The following GPR15 variants were observed in gnomAD, a reference collection of about 807,000 sequenced individuals.
GPR15 encodes the protein brother of Bonzo.
A neutral mutation model predicts 19.3 loss-of-function variants in GPR15; 16 were observed. That is an observed-to-expected ratio of 0.83 (90% CI 0.56 to 1.26). The LOEUF is 1.26. Among genes scored for constraint, GPR15 ranks in the 50% most tolerant of loss-of-function variants. The probability of loss-of-function intolerance (pLI) is 0.00; values close to 1 mark genes in which losing one functional copy is unlikely to be tolerated. For missense variants in GPR15, 458 were observed against 429.4 expected, an observed-to-expected ratio of 1.07 and a Z score of -0.59; for synonymous variants, 170 against 171.2, an observed-to-expected ratio of 0.99 and a Z score of 0.05.
Position 98,532,768 on chromosome 3 carries a change from T to C in GPR15, c.735T>C (p.Ile245=), listed in dbSNP as rs761957190. Residue 245 remains isoleucine (I), a synonymous_variant, in exon 1 of 1, where the codon ATT becomes ATC. Coordinates refer to ENST00000284311, the MANE Select transcript of GPR15 (RefSeq NM_005290.4). ...KLKKSIKIIF[I]VVAAFLVSWL... ...AGAAATCTATAAAGATCATCTTTATTGTCGTGGCAGCCTTTCTTGTCTCCT... is the reference window on the plus strand; with the variant it reads ...AGAAATCTATAAAGATCATCTTTATCGTCGTGGCAGCCTTTCTTGTCTCCT... 3 of 1,613,988 alleles carry C rather than the reference T, an allele frequency of 1.9e-6. No homozygotes were observed. Among genetic ancestry groups the C allele is most frequent in the Middle Eastern group, 3.3e-4 (2 of 6,062 alleles).
chr3:98,532,093 T>G lies in GPR15; in HGVS notation c.60T>G (p.Ser20=). The change falls in exon 1 of 1, where the codon TCT becomes TCG. Residue 20 remains serine (S), a synonymous_variant. Transcript: ENST00000284311. ...LDYYYATSPN[S]DIRETHSHVP... ...ATTACTATGCTACGAGCCCAAACTC[T>G]GACATCAGGGAGACCCACTCCCATG... 1 of 1,614,164 alleles carries G rather than the reference T, an allele frequency of 6.2e-7. No individual in the cohort carries two copies. Among genetic ancestry groups the G allele is most frequent in the Non-Finnish European group, 8.5e-7 (1 of 1,179,978 alleles).
Position 98,532,379 on chromosome 3 carries a change from A to G in GPR15, c.346A>G (p.Asn116Asp). ...CKGSSYMISV[N>D]MHCSVLLLTC... is the part of the protein sequence containing the mutation. ...AGGGAGCTCCTACATGATCTCCGTC[A>G]ATATGCACTGCAGTGTCCTCCTGCT... The change falls in exon 1 of 1, where the codon AAT (asparagine) becomes GAT (aspartate). Residue 116 changes from asparagine to aspartate, a missense_variant. Asn to Asp is a conservative substitution (Grantham distance 23). Transcript: ENST00000284311. The G allele has an allele frequency of 6.2e-7, 1 of 1,614,190 alleles. No homozygotes were observed. Among genetic ancestry groups the G allele is most frequent in the Non-Finnish European group, 8.5e-7 (1 of 1,180,026 alleles).
chr3:98,532,348 G>A lies in GPR15; in HGVS notation c.315G>A (p.Leu105=). Residue 105 remains leucine, a synonymous_variant, in exon 1 of 1, where the codon CTG becomes CTA. Coordinates refer to ENST00000284311, the MANE Select transcript of GPR15 (RefSeq NM_005290.4). ...SLGLWRTGSF[L]CKGSSYMISV... ...GACTGTGGAGGACGGGCTCCTTCCT[G>A]TGCAAAGGGAGCTCCTACATGATCT... The A allele has an allele frequency of 1.9e-6, 3 of 1,614,184 alleles. No individual in the cohort carries two copies. Among genetic ancestry groups the A allele is most frequent in the Non-Finnish European group, 2.5e-6 (3 of 1,180,036 alleles).
rs1209310738 is a variant in GPR15 at position 98,532,703 on chromosome 3, G to T, written c.670G>T (p.Ala224Ser). The change falls in exon 1 of 1, where the codon GCC becomes TCC. Residue 224 changes from alanine (A) to serine (S), a missense_variant. Coordinates refer to ENST00000284311, the MANE Select transcript of GPR15 (RefSeq NM_005290.4). ...CTGTTGCATTGCAAGGAAGCTGTGT[G>T]CCCATTACCAGCAATCAGGAAAGCA... is the stretch of plus-strand genomic sequence containing the variant. ...CYCCIARKLC[A>S]HYQQSGKHNK... 6.2e-7 allele frequency: 1 copy of T among 1,613,950 alleles called. No homozygotes were observed.
rs1353946822 is a variant in GPR15, at chr3:98,532,848, A to C, written c.815A>C (p.Glu272Ala). 6.2e-7 allele frequency: 1 copy of C among 1,614,038 alleles called. No homozygotes were observed. The highest frequency in any genetic ancestry group is 2.2e-5 in the East Asian group (1 of 44,870). ...FLAIVSGLRQ[E>A]HYLPSAILQL... is the part of the protein sequence containing the mutation. ...GCCATTGTCTCTGGGTTGCGGCAAG[A>C]ACACTATTTACCCTCAGCTATTCTT... The change falls in exon 1 of 1, where the codon GAA becomes GCA. Residue 272 changes from glutamate to alanine, a missense_variant. By Grantham distance (107) the Glu-to-Ala change is moderately radical. Transcript: ENST00000284311.
Position 98,533,102 on chromosome 3 carries a change from T to A in GPR15, c.1069T>A (p.Ser357Thr). 6.2e-7 allele frequency: 1 copy of A among 1,606,292 alleles called. No individual in the cohort carries two copies. Among genetic ancestry groups the A allele is most frequent in the Non-Finnish European group, 8.5e-7 (1 of 1,178,538 alleles). The change falls in exon 1 of 1, where the codon TCT becomes ACT. Residue 357 changes from serine to threonine, a missense_variant. Ser to Thr is a moderately conservative substitution (Grantham distance 58, BLOSUM62 1). Coordinates refer to ENST00000284311, the MANE Select transcript of GPR15 (RefSeq NM_005290.4). Reference sequence around the variant, plus strand: ...AGATTTTGCCAGGAGGAGGAAGAGGTCTGTGTCACTCTAAAGGGAACTGTG... The same window carrying A: ...AGATTTTGCCAGGAGGAGGAAGAGGACTGTGTCACTCTAAAGGGAACTGTG... ...AEDFARRRKR[S>T]VSL is the part of the protein sequence containing the mutation.
In GPR15 at chr3:98,532,577, T is replaced by C; in HGVS notation, c.544T>C (p.Tyr182His). The part of the protein sequence containing the change: ...RELTLIDDKP[Y>H]CAEKKATPIK... Reference sequence around the variant, plus strand: ...GCTCACGCTGATTGATGATAAGCCATACTGTGCAGAGAAAAAGGCAACTCC... The same window carrying C: ...GCTCACGCTGATTGATGATAAGCCACACTGTGCAGAGAAAAAGGCAACTCC... Residue 182 changes from tyrosine (Y) to histidine (H), a missense_variant, in exon 1 of 1, where the codon TAC becomes CAC. Coordinates refer to ENST00000284311, the MANE Select transcript of GPR15 (RefSeq NM_005290.4). 1 of 1,614,206 alleles carries C rather than the reference T, an allele frequency of 6.2e-7. No homozygotes were observed. The highest frequency in any genetic ancestry group is 8.5e-7 in the Non-Finnish European group (1 of 1,180,038).
rs1290682876 is a variant in GPR15, at chr3:98,532,741, G to A, written c.708G>A (p.Leu236=). 2 of 1,613,872 alleles carry A rather than the reference G, an allele frequency of 1.2e-6. No individual in the cohort carries two copies. Among genetic ancestry groups the A allele is most frequent in the African/African-American group, 2.7e-5 (2 of 74,894 alleles). Residue 236 remains leucine (L), a synonymous_variant, in exon 1 of 1, where the codon CTG becomes CTA. Coordinates refer to ENST00000284311, the MANE Select transcript of GPR15 (RefSeq NM_005290.4). The stretch of plus-strand genomic sequence containing the variant: ...AATCAGGAAAGCACAACAAAAAGCT[G>A]AAGAAATCTATAAAGATCATCTTTA... ...YQQSGKHNKK[L]KKSIKIIFIV...
In GPR15 at chr3:98,532,447, A is replaced by G. The variant is rs1306791887; in HGVS notation, c.414A>G (p.Pro138=). ...SVDRYLAIVW[P]VVSRKFRRTD... ...ACCGCTACCTGGCCATTGTGTGGCC[A>G]GTCGTATCCAGGAAATTCAGAAGGA... Residue 138 remains proline, a synonymous_variant, in exon 1 of 1, where the codon CCA becomes CCG. Coordinates refer to ENST00000284311, the MANE Select transcript of GPR15 (RefSeq NM_005290.4). The G allele has an allele frequency of 3.7e-6, 6 of 1,614,148 alleles. No individual in the cohort carries two copies. The highest frequency in any genetic ancestry group is 4.2e-6 in the Non-Finnish European group (5 of 1,180,012).
rs758745074 is a variant in GPR15 at position 98,533,006 on chromosome 3, G to T, written c.973G>T (p.Asp325Tyr). The T allele has an allele frequency of 6.2e-7, 1 of 1,613,990 alleles. No homozygotes were observed. The highest frequency in any genetic ancestry group is 1.1e-5 in the South Asian group (1 of 91,068). Reference protein sequence around the residue: ...HCLCPCLKNYDFGSSTETSDS... With the variant: ...HCLCPCLKNYYFGSSTETSDS... ...CTTGTGCCCTTGCCTGAAAAACTATGACTTTGGGAGTAGCACTGAGACATC... is the reference window on the plus strand; with the variant it reads ...CTTGTGCCCTTGCCTGAAAAACTATTACTTTGGGAGTAGCACTGAGACATC... The change falls in exon 1 of 1, where the codon GAC becomes TAC. Residue 325 changes from aspartate (D) to tyrosine (Y), a missense_variant. Asp to Tyr is a radical substitution (Grantham distance 160, BLOSUM62 -3). Coordinates refer to ENST00000284311, the MANE Select transcript of GPR15 (RefSeq NM_005290.4).
rs1358721074 is a variant in GPR15, at chr3:98,533,909, C to T, written c.*793C>T. On this transcript the variant is annotated 3_prime_UTR_variant, in exon 1 of 1. Coordinates refer to ENST00000284311, the MANE Select transcript of GPR15 (RefSeq NM_005290.4). ...CTTTTTAATGGGGTTTTACTATGCTCTTTTGTTTCCATTGGCTTTATAAAT... is the reference window on the plus strand; with the variant it reads ...CTTTTTAATGGGGTTTTACTATGCTTTTTTGTTTCCATTGGCTTTATAAAT... 1.3e-5 allele frequency among the ~76,000 whole-genome samples: 2 copies of T among 152,108 alleles called. No homozygotes were observed. Among genetic ancestry groups the T allele is most frequent in the East Asian group, 3.8e-4 (2 of 5,200 alleles).
rs1706665588 is a variant in GPR15 at position 98,533,050 on chromosome 3, G to T, written c.1017G>T (p.Lys339Asn). ...AGACATCAGATAGTCACCTCACTAAGGCTCTCTCCACCTTCATTCATGCAG... is the reference window on the plus strand; with the variant it reads ...AGACATCAGATAGTCACCTCACTAATGCTCTCTCCACCTTCATTCATGCAG... Reference protein sequence around the residue: ...STETSDSHLTKALSTFIHAED... With the variant: ...STETSDSHLTNALSTFIHAED... Residue 339 changes from lysine to asparagine, a missense_variant, in exon 1 of 1, where the codon AAG (lysine) becomes AAT (asparagine). Lys to Asn is a moderately conservative substitution (Grantham distance 94). Coordinates refer to ENST00000284311, the MANE Select transcript of GPR15 (RefSeq NM_005290.4). 6.2e-7 allele frequency: 1 copy of T among 1,613,846 alleles called. No homozygotes were observed. Among genetic ancestry groups the T allele is most frequent in the African/African-American group, 1.3e-5 (1 of 74,992 alleles).
At position 98,533,102 on chromosome 3, in the gene GPR15, T is replaced by G; in HGVS notation, c.1069T>G (p.Ser357Ala). 1 of 1,606,292 alleles carries G rather than the reference T, an allele frequency of 6.2e-7. No homozygotes were observed. The highest frequency in any genetic ancestry group is 1.1e-5 in the South Asian group (1 of 90,724). ...AGATTTTGCCAGGAGGAGGAAGAGG[T>G]CTGTGTCACTCTAAAGGGAACTGTG... ...AEDFARRRKR[S>A]VSL The change falls in exon 1 of 1, where the codon TCT becomes GCT. Residue 357 changes from serine (S) to alanine (A), a missense_variant. Coordinates refer to ENST00000284311, the MANE Select transcript of GPR15 (RefSeq NM_005290.4).
rs1706676706 is a variant in GPR15 at position 98,533,926 on chromosome 3, T to G, written c.*810T>G. On this transcript the variant is annotated 3_prime_UTR_variant, in exon 1 of 1. Coordinates refer to ENST00000284311, the MANE Select transcript of GPR15 (RefSeq NM_005290.4). ...ACTATGCTCTTTTGTTTCCATTGGC[T>G]TTATAAATTAGGATTTGACTTTGCT... Among the ~76,000 whole-genome samples the G allele has an allele frequency of 6.6e-6, 1 of 152,228 alleles. No homozygotes were observed. Among genetic ancestry groups the G allele is most frequent in the Non-Finnish European group, 1.5e-5 (1 of 68,028 alleles).
chr3:98,532,360 C>A lies in GPR15; in HGVS notation c.327C>A (p.Ser109Arg), dbSNP rs1407354574. The A allele has an allele frequency of 7.4e-6, 12 of 1,614,020 alleles. No homozygotes were observed. Among genetic ancestry groups the A allele is most frequent in the African/African-American group, 4.0e-5 (3 of 74,924 alleles). The change falls in exon 1 of 1, where the codon AGC (serine) becomes AGA (arginine). Residue 109 changes from serine to arginine, a missense_variant. Transcript: ENST00000284311. ...CGGGCTCCTTCCTGTGCAAAGGGAG[C>A]TCCTACATGATCTCCGTCAATATGC... ...WRTGSFLCKG[S>R]SYMISVNMHC...
chr3:98,532,260 C>T lies in GPR15; in HGVS notation c.227C>T (p.Ala76Val). The change falls in exon 1 of 1, where the codon GCT (alanine) becomes GTT (valine). Residue 76 changes from alanine to valine, a missense_variant. Physicochemically the swap from Ala to Val is moderately conservative, Grantham distance 64 (BLOSUM62 0). Transcript: ENST00000284311. Reference protein sequence around the residue: ...RLIDIFIINLAASDFIFLVTL... With the variant: ...RLIDIFIINLVASDFIFLVTL... ...ATCGACATCTTTATCATCAATCTGGCTGCCTCTGACTTCATTTTTCTTGTC... is the reference window on the plus strand; with the variant it reads ...ATCGACATCTTTATCATCAATCTGGTTGCCTCTGACTTCATTTTTCTTGTC... 6.2e-6 allele frequency: 10 copies of T among 1,614,190 alleles called. No homozygotes were observed. Among genetic ancestry groups the T allele is most frequent in the Non-Finnish European group, 8.5e-6 (10 of 1,180,026 alleles).
Position 98,532,165 on chromosome 3 carries a change from C to G in GPR15, c.132C>G (p.Phe44Leu), listed in dbSNP as rs776295729. The change falls in exon 1 of 1, where the codon TTC becomes TTG. Residue 44 changes from phenylalanine (F) to leucine (L), a missense_variant. Phe to Leu is a conservative substitution (Grantham distance 22). Coordinates refer to ENST00000284311, the MANE Select transcript of GPR15 (RefSeq NM_005290.4). ...VFLPVFYTAV[F>L]LTGVLGNLVL... ...TTCCAGTCTTTTACACAGCTGTGTTCCTGACTGGAGTGCTGGGGAACCTTG... is the reference window on the plus strand; with the variant it reads ...TTCCAGTCTTTTACACAGCTGTGTTGCTGACTGGAGTGCTGGGGAACCTTG... 1.2e-5 allele frequency: 20 copies of G among 1,614,038 alleles called. No individual in the cohort carries two copies. In the Admixed American group the frequency reaches 1.8e-4, roughly 15 times the overall value.
Position 98,533,239 on chromosome 3 carries a change from T to C in GPR15, c.*123T>C. On this transcript the variant is annotated 3_prime_UTR_variant, in exon 1 of 1. Transcript: ENST00000284311. ...CATAGATGCAAGGAAGAGTTCATTT[T>C]TAAAGAGAGGACTGAAAAATCCCTG... is the stretch of plus-strand genomic sequence containing the variant. 8.9e-7 allele frequency: 1 copy of C among 1,121,524 alleles called. No individual in the cohort carries two copies. The highest frequency in any genetic ancestry group is 1.2e-6 in the Non-Finnish European group (1 of 809,000). 69.5% of individuals were successfully genotyped at this position (1,121,524 alleles called of 1,614,324 possible).
At position 98,532,432 on chromosome 3, in the gene GPR15, G is replaced by A; in HGVS notation, c.399G>A (p.Leu133=). The change falls in exon 1 of 1, where the codon CTG becomes CTA. Residue 133 remains leucine (L), a synonymous_variant. Coordinates refer to ENST00000284311, the MANE Select transcript of GPR15 (RefSeq NM_005290.4). ...LLTCMSVDRY[L]AIVWPVVSRK... is the part of the protein sequence containing the mutation. ...CTTGCATGAGTGTTGACCGCTACCTGGCCATTGTGTGGCCAGTCGTATCCA... is the reference window on the plus strand; with the variant it reads ...CTTGCATGAGTGTTGACCGCTACCTAGCCATTGTGTGGCCAGTCGTATCCA... The A allele has an allele frequency of 6.2e-7, 1 of 1,614,130 alleles. No homozygotes were observed. Among genetic ancestry groups the A allele is most frequent in the Non-Finnish European group, 8.5e-7 (1 of 1,180,030 alleles).
Sources: allele counts gnomAD v4.1 joint callset (sites outside exome capture counted in the v4.1 genomes callset), GRCh38; gene constraint gnomAD v4.1.1; transcripts MANE v1.5; gene names NCBI Gene and HGNC (gene_info 2026-07-23, HGNC 2026-07-21).